USP47: variants seen among roughly 807,000 people sequenced by gnomAD.
USP47 encodes the protein ubiquitin specific peptidase 47.
Under a neutral mutation model 165.1 loss-of-function variants are expected in USP47, and 35 were observed. The observed-to-expected ratio is 0.21, with a 90% CI of 0.16 to 0.28. The LOEUF (loss-of-function observed/expected upper bound fraction) is 0.28. Ranked by LOEUF, USP47 falls within the 10% of genes least tolerant of loss-of-function variation. The pLI is 1.00. For missense variants in USP47, 1,277 were observed against 1,607.4 expected, an observed-to-expected ratio of 0.79 and a Z score of 3.52; for synonymous variants, 531 against 544.5, an observed-to-expected ratio of 0.98 and a Z score of 0.35.
rs1258936844 is a variant in USP47 at position 11,882,705 on chromosome 11, ACCT to A, written c.244-1758_244-1756del. Among the ~76,000 whole-genome samples, 3 of 151,802 alleles carry A rather than the reference ACCT, an allele frequency of 2.0e-5. No homozygotes were observed. In the East Asian group the frequency reaches 5.8e-4, roughly 29 times the overall value. ...TTTAAAAGTAATTTTTTTCTCTTTGACCTCCTATGCCCTTTGGCTGCACCACTT... is the reference window on the plus strand; with the variant it reads ...TTTAAAAGTAATTTTTTTCTCTTTGACCTATGCCCTTTGGCTGCACCACTT... On this transcript the variant is annotated intron_variant, in intron 2 of 27. Coordinates refer to ENST00000527733, the MANE Select transcript of USP47 (RefSeq NM_001282659.2).
At chr11:11,875,010 A>G (rs957599579) in intron 1 of USP47, among the ~76,000 whole-genome samples, 1 of 150,696 alleles carries the variant, frequency 6.6e-6, no homozygotes, top group Non-Finnish European at 1.5e-5. Context: ...CTCCTGTACC[A>G]AAAGGGAGAG....
intron 1 of USP47, among the ~76,000 whole-genome samples, chr11:11,879,348 G>A (rs1162513293): frequency 6.6e-6 from 1 of 151,992 alleles, no homozygotes; most frequent in Admixed American, 6.6e-5. Flanking sequence ...GGCAGATGAT[G>A]GTGCCATTCA....
At chr11:11,905,789 C>T (rs1852518130) in intron 8 of USP47, among the ~76,000 whole-genome samples, 1 of 150,464 alleles carries the variant, frequency 6.6e-6, no homozygotes, top group East Asian at 1.9e-4. Context: ...GTGTTTTATT[C>T]TTTTGGATAG....
Position 11,884,505 on chromosome 11 carries a change from C to G in USP47, c.282C>G (p.Asp94Glu). Residue 94 changes from aspartate (D) to glutamate (E), a missense_variant, in exon 3 of 28, where the codon GAC becomes GAG. Around this residue, in one of 4 missense-constraint regions of USP47, gnomAD observed 181 missense variants for 194.7 expected, o/e 0.93. Transcript: ENST00000527733. Reference sequence around the variant, plus strand: ...ATACCAGTGACAAGTCACTTCTCGACGCTAATTTTGAGCCAGGAAAGAAGA... The same window carrying G: ...ATACCAGTGACAAGTCACTTCTCGAGGCTAATTTTGAGCCAGGAAAGAAGA... ...LDHTSDKSLL[D>E]ANFEPGKKNF... The G allele has an allele frequency of 6.2e-7, 1 of 1,611,748 alleles. No homozygotes were observed. Among genetic ancestry groups the G allele is most frequent in the Non-Finnish European group, 8.5e-7 (1 of 1,179,194 alleles).
intron 3 of USP47, among the ~76,000 whole-genome samples, chr11:11,886,230 A>T (rs1006517871): frequency 2.0e-5 from 3 of 152,140 alleles, no homozygotes; most frequent in African/African-American, 7.2e-5. Context: ...AGGGCACAGA[A>T]CTGGGCTGAG....
intron 1 of USP47, among the ~76,000 whole-genome samples, chr11:11,850,964 C>T (rs1280659763): frequency 6.6e-6 from 1 of 152,156 alleles, no homozygotes; most frequent in Non-Finnish European, 1.5e-5. Flanking sequence ...TTTATGAGGG[C>T]CCTGCCTTCT....
intron 1 of USP47, among the ~76,000 whole-genome samples, chr11:11,842,857 T>C (rs1367623097): frequency 6.6e-6 from 1 of 151,602 alleles, no homozygotes; most frequent in African/African-American, 2.4e-5. Context: ...TTTTTTTTTT[T>C]TTTGAGGTTG....
chr11:11,851,513 A>G (rs1253177685), intron 1 of USP47, among the ~76,000 whole-genome samples: 1 of 152,208 alleles, frequency 6.6e-6, no homozygotes, highest in Admixed American at 6.5e-5. Flanking sequence ...CGGAAAGAGT[A>G]CAAAGTTTCC....
chr11:11,915,220 A>G (rs1853325053), intron 8 of USP47, among the ~76,000 whole-genome samples: 1 of 152,234 alleles, frequency 6.6e-6, no homozygotes, highest in South Asian at 2.1e-4. Flanking sequence ...GAGTGAAAAA[A>G]GCCAATCTCA....
Position 11,929,325 on chromosome 11 carries a change from A to G in USP47, c.1387-109A>G, listed in dbSNP as rs549525170. On this transcript the variant is annotated intron_variant, in intron 11 of 27. Coordinates refer to ENST00000527733, the MANE Select transcript of USP47 (RefSeq NM_001282659.2). Reference sequence around the variant, plus strand: ...AGGGGAAAGTTGACCTGTAATATATAGGACAACTTACCATGTTACTTCTCT... The same window carrying G: ...AGGGGAAAGTTGACCTGTAATATATGGGACAACTTACCATGTTACTTCTCT... 25 of 1,448,702 alleles carry G rather than the reference A, an allele frequency of 1.7e-5. No individual in the cohort carries two copies. In the African/African-American group the frequency reaches 3.4e-4, roughly 20 times the overall value. The allele number at this position is 1,448,702 out of a possible 1,614,324, so 89.7% of individuals were successfully genotyped here.
intron 11 of USP47, among the ~76,000 whole-genome samples, chr11:11,929,075 G>A (rs1020745873): frequency 2.0e-5 from 3 of 150,792 alleles, no homozygotes; most frequent in African/African-American, 5.0e-5. Context: ...ATGTTACTTC[G>A]GATTTTTTTT....
At chr11:11,858,205 T>G (rs1590235175) in intron 1 of USP47, among the ~76,000 whole-genome samples, 2 of 152,180 alleles carry the variant, frequency 1.3e-5, no homozygotes, top group Admixed American at 1.3e-4. Flanking sequence ...GTCCAATTCT[T>G]TGTTCAAAAC....
Position 11,948,784 on chromosome 11 carries a change from C to G in USP47, c.3348+226C>G, listed in dbSNP as rs115909320. ...ATAAGCCAATGAGATGGCTATGTCTCAACATTTTATTTACAAAAGCAGGCA... is the reference window on the plus strand; with the variant it reads ...ATAAGCCAATGAGATGGCTATGTCTGAACATTTTATTTACAAAAGCAGGCA... On this transcript the variant is annotated intron_variant, in intron 22 of 27. Coordinates refer to ENST00000527733, the MANE Select transcript of USP47 (RefSeq NM_001282659.2). The G allele has an allele frequency of 8.1e-3, 3,102 of 384,838 alleles. 76 individuals are homozygous for G. The highest frequency in any genetic ancestry group is 0.058 in the African/African-American group (2,843 of 48,990). The allele number at this position is 384,838 out of a possible 1,614,324, so 23.8% of individuals were successfully genotyped here.
chr11:11,919,800 A>T (rs1440184107), intron 8 of USP47, among the ~76,000 whole-genome samples: 1 of 151,866 alleles, frequency 6.6e-6, no homozygotes, highest in Non-Finnish European at 1.5e-5. Flanking sequence ...AGATTGATGC[A>T]TGCAACTGCT....
At chr11:11,932,933 T>G in intron 14 of USP47, 71 bp from the exon 15 acceptor site, 1 of 1,108,208 alleles carries the variant, frequency 9.0e-7, no homozygotes, top group Non-Finnish European at 1.3e-6. Flanking sequence ...CATGAGAGCA[T>G]AGTGAAGCAG....
chr11:11,898,806 G>T (rs918865820), intron 5 of USP47, among the ~76,000 whole-genome samples: 1 of 152,148 alleles, frequency 6.6e-6, no homozygotes, highest in Non-Finnish European at 1.5e-5. Flanking sequence ...AGAAGAAAGA[G>T]AATACACTGT....
intron 4 of USP47, among the ~76,000 whole-genome samples, chr11:11,894,796 T>G (rs886613951): frequency 2.0e-5 from 3 of 152,190 alleles, no homozygotes; most frequent in African/African-American, 7.2e-5. Context: ...TTTCTTTGAT[T>G]ATACAAATAT....
At chr11:11,861,554 G>GTATT (rs1452877102) in intron 1 of USP47, among the ~76,000 whole-genome samples, 5 of 152,056 alleles carry the variant, frequency 3.3e-5, no homozygotes, top group Non-Finnish European at 7.4e-5. Context: ...AATTGATTGA[G>GTATT]TACTTGATGT....
chr11:11,905,647 C>T (rs1852508735), intron 8 of USP47, 99 bp downstream of exon 8: 1 of 1,204,412 alleles, frequency 8.3e-7, no homozygotes, highest in Non-Finnish European at 1.1e-6. Flanking sequence ...CCTAGATACA[C>T]CTTCTTGGGT....
Sources: gnomAD v4.1 joint callset for allele counts (sites outside exome capture counted in the v4.1 genomes callset) on GRCh38, gnomAD v4.1.1 for gene constraint, gnomAD v4.1.1 regional missense constraint, MANE v1.5 for transcripts, NCBI Gene and HGNC (gene_info 2026-07-23, HGNC 2026-07-21) for gene names.